HS6ST2: variants seen among roughly 807,000 people sequenced by gnomAD.
HS6ST2 encodes heparan-sulfate 6-O-sulfotransferase 2.
HS6ST2 carries 17 observed loss-of-function variants against 33.0 expected under a neutral mutation model. The observed-to-expected ratio is 0.52, with a 90% confidence interval of 0.35 to 0.77. HS6ST2 has a LOEUF of 0.77. Among genes scored for constraint, HS6ST2 ranks in the 30% least tolerant of loss-of-function variants. HS6ST2 has a pLI of 0.01. For synonymous variants in HS6ST2, 248 were observed against 237.1 expected (o/e 1.05, Z -0.42); for missense variants, 519 against 551.7 (o/e 0.94, Z 0.59).
At chrX:132,812,222 T>A (rs2065353013) in intron 2 of HS6ST2, among the ~76,000 whole-genome samples, 3 of 108,664 alleles carry the variant, frequency 2.8e-5, no homozygotes, top group Admixed American at 1.0e-4. Flanking sequence ...CTGGCCAACA[T>A]GGTGAAACCC....
At chrX:132,784,041 G>A (rs767775027) in intron 2 of HS6ST2, among the ~76,000 whole-genome samples, 18 of 111,261 alleles carry the variant, frequency 1.6e-4, no homozygotes, top group Non-Finnish European at 3.2e-4. Flanking sequence ...ACAGGCATTC[G>A]GAGTATTGAG....
rs1342139496 is a variant in HS6ST2 at position 132,934,790 on chromosome X, G to A, written c.947+22018C>T. 2.7e-5 allele frequency among the ~76,000 whole-genome samples: 3 copies of A among 111,328 alleles called. No individual in the cohort carries two copies. The Admixed American group carries it at 2.9e-4, about 11-fold the overall frequency. On this transcript the variant is annotated intron_variant, in intron 2 of 4. Transcript: ENST00000370833. ...TCATTAATATTGTTAAATGTAGATGGATGAAACAATCCAATCAAAAGGCAC... is the reference window on the plus strand; with the variant it reads ...TCATTAATATTGTTAAATGTAGATGAATGAAACAATCCAATCAAAAGGCAC...
chrX:132,852,620 G>T (rs2065814404), intron 2 of HS6ST2, among the ~76,000 whole-genome samples: 1 of 111,972 alleles, frequency 8.9e-6, no homozygotes, highest in Admixed American at 9.4e-5. Context: ...TGACCTCCTT[G>T]GAATAAATCC....
At chrX:132,908,174 T>C (rs1181903277) in intron 2 of HS6ST2, among the ~76,000 whole-genome samples, 1 of 112,336 alleles carries the variant, frequency 8.9e-6, no homozygotes, top group Non-Finnish European at 1.9e-5. Flanking sequence ...TCAATATAAT[T>C]AATCATTAGG....
chrX:132,638,721 G>A (rs1315749855), intron 4 of HS6ST2, among the ~76,000 whole-genome samples: 2 of 112,166 alleles, frequency 1.8e-5, no homozygotes, highest in Admixed American at 1.9e-4. Context: ...CCCACAGGAG[G>A]TGGGGAGCAA....
Position 132,949,687 on chromosome X carries a change from A to C in HS6ST2, c.947+7121T>G, listed in dbSNP as rs191002844. 1.7e-3 allele frequency among the ~76,000 whole-genome samples: 188 copies of C among 111,608 alleles called. 1 individual carries two copies. Among genetic ancestry groups the C allele is most frequent in the African/African-American group, 5.8e-3 (178 of 30,765 alleles). On this transcript the variant is annotated intron_variant, in intron 2 of 4. Transcript: ENST00000370833. ...TAAAACATTATTTTAAAAATTGTTA[A>C]TGCTTATTGTTATTATATAAGTAAT...
chrX:132,855,724 C>T (rs2065847314), intron 2 of HS6ST2, among the ~76,000 whole-genome samples: 1 of 112,122 alleles, frequency 8.9e-6, no homozygotes, highest in African/African-American at 3.2e-5. Context: ...CCTACATTGG[C>T]ATGGCCCAAA....
At chrX:132,850,096 A>C (rs1218473461) in intron 2 of HS6ST2, among the ~76,000 whole-genome samples, 4 of 112,531 alleles carry the variant, frequency 3.6e-5, no homozygotes, top group Non-Finnish European at 7.5e-5. Flanking sequence ...GCATCTAAAA[A>C]ACCAAGAGAC....
chrX:132,958,869 C>A (rs2067122095), upstream of HS6ST2: 1 of 345,423 alleles, frequency 2.9e-6, no homozygotes, highest in Non-Finnish European at 5.0e-6. Flanking sequence ...GGGGCATTTT[C>A]TGAAAAGGTA....
At chrX:132,806,119 TA>T (rs1569493055) in intron 2 of HS6ST2, among the ~76,000 whole-genome samples, 1 of 110,378 alleles carries the variant, frequency 9.1e-6, no homozygotes, top group Non-Finnish European at 1.9e-5. Flanking sequence ...CCTAGTACAC[TA>T]ACACAAGCAA....
intron 3 of HS6ST2, among the ~76,000 whole-genome samples, chrX:132,690,602 G>A (rs994084429): frequency 2.7e-5 from 3 of 111,157 alleles, no homozygotes; most frequent in Admixed American, 1.9e-4. Flanking sequence ...TTTATTTTTC[G>A]TGTTTTTGGA....
At chrX:132,709,806 A>G (rs2064215564) in intron 2 of HS6ST2, among the ~76,000 whole-genome samples, 1 of 20,514 alleles carries the variant, frequency 4.9e-5, no homozygotes, top group Non-Finnish European at 8.3e-5. Flanking sequence ...TTGGGTGAAA[A>G]GACAAAACAC....
At chrX:132,868,717 G>C (rs1351187907) in intron 2 of HS6ST2, among the ~76,000 whole-genome samples, 1 of 111,813 alleles carries the variant, frequency 8.9e-6, no homozygotes, top group Admixed American at 9.6e-5. Flanking sequence ...AAATAAATAA[G>C]TTCTTTGAAA....
At chrX:132,702,241 C>T (rs2064150402) in intron 3 of HS6ST2, among the ~76,000 whole-genome samples, 1 of 112,601 alleles carries the variant, frequency 8.9e-6, no homozygotes, top group African/African-American at 3.2e-5. Flanking sequence ...CTAATTTTAA[C>T]AATAGCTTTT....
At chrX:132,639,453 G>A (rs895858341) in intron 4 of HS6ST2, among the ~76,000 whole-genome samples, 72 of 111,558 alleles carry the variant, frequency 6.5e-4, no homozygotes, top group African/African-American at 2.1e-3. Flanking sequence ...TCTTGAGGTG[G>A]AAGAAACTTT....
chrX:132,897,650 T>C (rs938959400), intron 2 of HS6ST2, among the ~76,000 whole-genome samples: 2 of 110,831 alleles, frequency 1.8e-5, no homozygotes, highest in African/African-American at 6.6e-5. Context: ...TCTTTAGACA[T>C]GCAAAAAAAT....
rs377067741 is a variant in HS6ST2, at chrX:132,669,151, C to T, written c.1029G>A (p.Pro343=). ...ATGTGTTCCGGGTCTTTGTGGATGA[C>T]GGAGAGTTGGCGCCTGCGTTAGTGT... ...SPNTNAGANS[P]SSTKTRNTSK... is the part of the protein sequence containing the mutation. Residue 343 remains proline (P), a synonymous_variant, in exon 4 of 5, where the codon CCG becomes CCA. Transcript: ENST00000370833. The T allele has an allele frequency of 9.6e-5, 116 of 1,207,132 alleles. No homozygotes were observed. Among genetic ancestry groups the T allele is most frequent in the Middle Eastern group, 2.3e-4 (1 of 4,368 alleles).
At chrX:132,752,700 G>A (rs1025232965) in intron 2 of HS6ST2, among the ~76,000 whole-genome samples, 4 of 111,860 alleles carry the variant, frequency 3.6e-5, no homozygotes, top group African/African-American at 1.3e-4. Flanking sequence ...TTTCATGGCT[G>A]CAGTTTTCCC....
chrX:132,725,054 A>G lies in HS6ST2; in HGVS notation c.948-16560T>C, dbSNP rs778041826. Among the ~76,000 whole-genome samples, 12 of 111,906 alleles carry G rather than the reference A, an allele frequency of 1.1e-4. No homozygotes were observed. In the East Asian group the frequency reaches 3.1e-3, roughly 28 times the overall value. Reference sequence around the variant, plus strand: ...CATCAAACTCTAAAACTACTACAAGAAAACATTAGGGAAAGTTTCCAGGAC... The same window carrying G: ...CATCAAACTCTAAAACTACTACAAGGAAACATTAGGGAAAGTTTCCAGGAC... On this transcript the variant is annotated intron_variant, in intron 2 of 4. Coordinates refer to ENST00000370833, the MANE Select transcript of HS6ST2 (RefSeq NM_001394073.1).
Sources: allele counts gnomAD v4.1 joint callset (sites outside exome capture counted in the v4.1 genomes callset), GRCh38; gene constraint gnomAD v4.1.1; transcripts MANE v1.5; gene names NCBI Gene and HGNC (gene_info 2026-07-23, HGNC 2026-07-21).